The following ZNF841 variants were observed in gnomAD, a reference collection of about 807,000 sequenced individuals.
ZNF841 encodes the protein zinc finger protein 841.
ZNF841 carries 11 observed loss-of-function variants against 13.0 expected under a neutral mutation model. That is an observed-to-expected ratio of 0.85 (90% CI 0.53 to 1.40). The LOEUF is 1.40. ZNF841 is among the 40% of genes most tolerant of loss of function. ZNF841 has a pLI of 0.00. For missense variants in ZNF841, 1,068 were observed against 1,139.5 expected, an observed-to-expected ratio of 0.94 and a Z score of 0.90; for synonymous variants, 369 against 381.6, an observed-to-expected ratio of 0.97 and a Z score of 0.38.
At chr19:52,075,422 T>A (rs922821970) in intron 6 of ZNF841, among the ~76,000 whole-genome samples, 1 of 152,172 alleles carries the variant, frequency 6.6e-6, no homozygotes, top group Non-Finnish European at 1.5e-5. Flanking sequence ...AATTCTTATA[T>A]GTAACAATCT....
chr19:52,092,078 A>C (rs1001807373), intron 2 of ZNF841, among the ~76,000 whole-genome samples: 1 of 141,594 alleles, frequency 7.1e-6, no homozygotes, highest in Non-Finnish European at 1.5e-5. Flanking sequence ...GAAGGCACAC[A>C]TTGCAGTGAA....
intron 4 of ZNF841, among the ~76,000 whole-genome samples, chr19:52,081,581 C>T (rs997224873): frequency 6.6e-6 from 1 of 152,158 alleles, no homozygotes; most frequent in African/African-American, 2.4e-5. Context: ...GGCTGGGCAC[C>T]GTGGCTCACG....
chr19:52,067,369 A>C lies in ZNF841; in HGVS notation c.513T>G (p.Ser171Arg), dbSNP rs1333530517. 1 of 1,548,578 alleles carries C rather than the reference A, an allele frequency of 6.5e-7. No homozygotes were observed. The highest frequency in any genetic ancestry group is 1.2e-5 in the South Asian group (1 of 83,184). ...TATGCTTGTTTTCTACGTCCCCTTG[A>C]CTATGTCGAACTCTTTGACCAGTAA... ...NNLTGQRVRH[S>R]QGDVENKHME... The change falls in exon 7 of 7, where the codon AGT becomes AGG. Residue 171 changes from serine to arginine, a missense_variant. Physicochemically the swap from Ser to Arg is moderately radical, Grantham distance 110. Transcript: ENST00000594440.
chr19:52,066,070 C>T lies in ZNF841; in HGVS notation c.1812G>A (p.Lys604=), dbSNP rs757051322. 2 of 1,613,854 alleles carry T rather than the reference C, an allele frequency of 1.2e-6. No homozygotes were observed. The highest frequency in any genetic ancestry group is 1.7e-6 in the Non-Finnish European group (2 of 1,179,932). ...EKPYKCNVCG[K]VFIDSGNLSI... is the part of the protein sequence containing the mutation. Reference sequence around the variant, plus strand: ...AAAGGTTTCCACTGTCAATGAAGACCTTGCCACACACATTACATTTGTAAG... The same window carrying T: ...AAAGGTTTCCACTGTCAATGAAGACTTTGCCACACACATTACATTTGTAAG... The change falls in exon 7 of 7, where the codon AAG becomes AAA. Residue 604 remains lysine, a synonymous_variant. Coordinates refer to ENST00000594440, the MANE Select transcript of ZNF841 (RefSeq NM_001136499.2).
chr19:52,064,479 G>T lies in ZNF841; in HGVS notation c.*628C>A, dbSNP rs1244841165. 6 of 151,488 alleles carry T rather than the reference G, an allele frequency of 4.0e-5. No homozygotes were observed. Among genetic ancestry groups the T allele is most frequent in the Admixed American group, 6.7e-5 (1 of 15,004 alleles). The allele number at this position is 151,488 out of a possible 1,614,324, so 9.4% of individuals were successfully genotyped here. A position where few individuals can be genotyped will look rare whatever the true frequency, so the allele number is the denominator to read the frequency against. Reference sequence around the variant, plus strand: ...CTGAGGCTAGGTAATGTATAAAGAGGTTTAATTGACTCACAATTTTGCAGG... The same window carrying T: ...CTGAGGCTAGGTAATGTATAAAGAGTTTTAATTGACTCACAATTTTGCAGG... On this transcript the variant is annotated 3_prime_UTR_variant, in exon 7 of 7. Transcript: ENST00000594440.
intron 4 of ZNF841, among the ~76,000 whole-genome samples, chr19:52,081,960 C>T (rs1029427663): frequency 6.6e-6 from 1 of 152,114 alleles, no homozygotes; most frequent in African/African-American, 2.4e-5. Context: ...AAGAAGGAAT[C>T]AGTGAACTCA....
downstream of ZNF841, among the ~76,000 whole-genome samples, chr19:52,061,871 C>A (rs558317979): frequency 1.3e-5 from 2 of 152,232 alleles, no homozygotes; most frequent in South Asian, 2.1e-4. Flanking sequence ...ACAAGAGCCA[C>A]TTGTCTCTAA....
At chr19:52,084,221 CAAT>C (rs2088197189) in intron 4 of ZNF841, among the ~76,000 whole-genome samples, 1 of 151,974 alleles carries the variant, frequency 6.6e-6, no homozygotes. Flanking sequence ...ATTTTAAAAT[CAAT>C]GATGGAATAA....
intron 1 of ZNF841, among the ~76,000 whole-genome samples, chr19:52,094,374 CTATG>C (rs1208645717): frequency 1.3e-5 from 2 of 152,088 alleles, no homozygotes; most frequent in African/African-American, 2.4e-5. Flanking sequence ...TTCTTCACGG[CTATG>C]TGTTTCCCTC....
chr19:52,064,352 C>CAAAAAAAAAAAAAAAAAAA (rs1568532352), downstream of ZNF841: 3 of 48,976 alleles, frequency 6.1e-5, 1 homozygote, highest in Non-Finnish European at 1.3e-4. Flanking sequence ...GACTCCGTCT[C>CAAAAAAAAAAAAAAAAAAA]CAAAAAAAAA....
chr19:52,086,531 C>A (rs779181062), intron 3 of ZNF841, among the ~76,000 whole-genome samples: 2 of 152,164 alleles, frequency 1.3e-5, no homozygotes, highest in African/African-American at 2.4e-5. Context: ...AACCTGTTTT[C>A]TTTATAAATT....
At chr19:52,085,013 T>A in intron 3 of ZNF841, 135 bp from the exon 4 acceptor site, 1 of 574,496 alleles carries the variant, frequency 1.7e-6, no homozygotes, top group Non-Finnish European at 3.0e-6. Flanking sequence ...CATAATAAAC[T>A]CCTACACAAA....
At chr19:52,067,686 C>G in intron 6 of ZNF841, 76 bp from the exon 7 acceptor site, 1 of 1,046,394 alleles carries the variant, frequency 9.6e-7, no homozygotes, top group Non-Finnish European at 1.3e-6. Context: ...AAACACACTA[C>G]GCTAAACATA....
chr19:52,074,358 TAAAAA>T (rs897849294), intron 6 of ZNF841, among the ~76,000 whole-genome samples: 1 of 152,180 alleles, frequency 6.6e-6, no homozygotes, highest in African/African-American at 2.4e-5. Flanking sequence ...TTTGTGGACT[TAAAAA>T]AGATAAGCCT....
chr19:52,092,924 G>C (rs966297177), intron 2 of ZNF841, among the ~76,000 whole-genome samples: 2 of 152,214 alleles, frequency 1.3e-5, no homozygotes, highest in African/African-American at 4.8e-5. Flanking sequence ...TTCGAGACCA[G>C]CCTGGCCAAC....
At chr19:52,094,896 C>T (rs959052912) in intron 1 of ZNF841, among the ~76,000 whole-genome samples, 1 of 152,104 alleles carries the variant, frequency 6.6e-6, no homozygotes. Context: ...CCCCCTGCTA[C>T]TTTTTCCATC....
chr19:52,066,156 T>C lies in ZNF841; in HGVS notation c.1726A>G (p.Met576Val), dbSNP rs2087552040. The C allele has an allele frequency of 4.3e-6, 7 of 1,614,020 alleles. No individual in the cohort carries two copies. Among genetic ancestry groups the C allele is most frequent in the South Asian group, 2.2e-5 (2 of 91,082 alleles). ...AGGCATGAATAGTAAGTGAAGACCA[T>C]GCCACATTTATTACAATGGAGAGGT... The part of the protein sequence containing the change: ...EKPLHCNKCG[M>V]VFTYYSCLAR... The change falls in exon 7 of 7, where the codon ATG becomes GTG. Residue 576 changes from methionine to valine, a missense_variant. By Grantham distance (21) the Met-to-Val change is conservative (BLOSUM62 1). Transcript: ENST00000594440.
intron 6 of ZNF841, among the ~76,000 whole-genome samples, chr19:52,071,564 A>C (rs1296995879): frequency 6.6e-6 from 1 of 152,218 alleles, no homozygotes; most frequent in African/African-American, 2.4e-5. Flanking sequence ...GTATCCTGGG[A>C]TATCAAAAAC....
At chr19:52,085,777 CAG>C (rs2088253515) in intron 3 of ZNF841, among the ~76,000 whole-genome samples, 1 of 152,162 alleles carries the variant, frequency 6.6e-6, no homozygotes, top group Non-Finnish European at 1.5e-5. Flanking sequence ...GAGATGAGGT[CAG>C]AGAGGTTCTG....
Sources: allele counts gnomAD v4.1 joint callset (sites outside exome capture counted in the v4.1 genomes callset), GRCh38; gene constraint gnomAD v4.1.1; transcripts MANE v1.5; gene names NCBI Gene and HGNC (gene_info 2026-07-23, HGNC 2026-07-21).